The following LINGO2 variants were observed in gnomAD, a reference collection of about 807,000 sequenced individuals.
The protein encoded by LINGO2 is leucine-rich repeat and immunoglobulin-like domain-containing nogo receptor-interacting protein 2.
Under a neutral mutation model 30.6 loss-of-function variants are expected in LINGO2, and 14 were observed. The ratio of observed to expected loss-of-function variants is 0.46; its 90% confidence interval spans 0.30 to 0.72. The LOEUF (loss-of-function observed/expected upper bound fraction) is 0.72, where lower values mean the gene tolerates loss of function less well. Ranked by LOEUF, LINGO2 falls within the 30% of genes least tolerant of loss-of-function variation. The probability of loss-of-function intolerance (pLI) is 0.07; values close to 1 mark genes in which losing one functional copy is unlikely to be tolerated. For missense variants in LINGO2, 729 were observed against 751.7 expected, an observed-to-expected ratio of 0.97 and a Z score of 0.35; for synonymous variants, 317 against 288.5, an observed-to-expected ratio of 1.10 and a Z score of -1.00.
At chr9:28,653,717 G>A (rs1385723712) in intron 1 of LINGO2, among the ~76,000 whole-genome samples, 1 of 152,070 alleles carries the variant, frequency 6.6e-6, no homozygotes, top group East Asian at 1.9e-4. Flanking sequence ...ATGAACATTA[G>A]AGCTGAAATT....
chr9:28,243,640 C>A (rs542642890), intron 4 of LINGO2, among the ~76,000 whole-genome samples: 14 of 150,112 alleles, frequency 9.3e-5, no homozygotes, highest in African/African-American at 2.4e-4. Context: ...AACAAACAAA[C>A]AAAAAAACAA....
At chr9:28,452,827 G>A (rs1824700847) in intron 2 of LINGO2, among the ~76,000 whole-genome samples, 1 of 151,762 alleles carries the variant, frequency 6.6e-6, no homozygotes, top group South Asian at 2.1e-4. Context: ...CCAGAGGTGT[G>A]GAAAAAGTGA....
At chr9:28,877,214 T>C in the LINGO2 span, among the ~76,000 whole-genome samples, 10 of 151,690 alleles carry the variant, frequency 6.6e-5, no homozygotes, top group African/African-American at 2.2e-4. Context: ...CTGTTCACTC[T>C]GATGGTAGTT....
the LINGO2 span, among the ~76,000 whole-genome samples, chr9:28,689,312 A>G: frequency 1.3e-5 from 2 of 152,168 alleles, no homozygotes; most frequent in Non-Finnish European, 1.5e-5. Flanking sequence ...GAATCTGACA[A>G]ATAGCCGACT....
chr9:28,187,479 G>A (rs1163216463), intron 4 of LINGO2, among the ~76,000 whole-genome samples: 7 of 128,386 alleles, frequency 5.5e-5, no homozygotes, highest in African/African-American at 1.8e-4. Context: ...GACAGAGCGA[G>A]ACTCTGTCTC....
chr9:28,349,803 G>A (rs555056653), intron 3 of LINGO2, among the ~76,000 whole-genome samples: 11 of 151,926 alleles, frequency 7.2e-5, no homozygotes, highest in Non-Finnish European at 8.8e-5. Context: ...CGGATCTCTC[G>A]GCAGAAACCC....
At chr9:28,311,979 G>A (rs533991273) in intron 3 of LINGO2, among the ~76,000 whole-genome samples, 1 of 152,190 alleles carries the variant, frequency 6.6e-6, no homozygotes, top group African/African-American at 2.4e-5. Context: ...ACTAATAAAT[G>A]TCCATGAAAT....
the LINGO2 span, among the ~76,000 whole-genome samples, chr9:29,043,632 A>G: frequency 6.6e-6 from 1 of 151,996 alleles, no homozygotes; most frequent in East Asian, 1.9e-4. Context: ...CACTTATGAA[A>G]TCTGATGCTT....
At chr9:28,240,639 A>G (rs1587302384) in intron 4 of LINGO2, among the ~76,000 whole-genome samples, 1 of 152,178 alleles carries the variant, frequency 6.6e-6, no homozygotes, top group African/African-American at 2.4e-5. Flanking sequence ...TGCAAAAATC[A>G]AAACAAAATA....
chr9:27,999,839 A>G (rs1440500445), intron 5 of LINGO2, among the ~76,000 whole-genome samples: 1 of 151,498 alleles, frequency 6.6e-6, no homozygotes, highest in Non-Finnish European at 1.5e-5. Flanking sequence ...ACATGTATTA[A>G]TGGCACATGT....
the LINGO2 span, among the ~76,000 whole-genome samples, chr9:28,992,670 G>T: frequency 1.3e-4 from 20 of 152,064 alleles, no homozygotes; most frequent in Non-Finnish European, 2.8e-4. Flanking sequence ...CTTTCTCTCA[G>T]ACCACAGTGC....
the LINGO2 span, among the ~76,000 whole-genome samples, chr9:28,964,337 T>C: frequency 4.6e-5 from 7 of 151,906 alleles, 1 homozygote; most frequent in South Asian, 1.0e-3. Flanking sequence ...AAAAGCTTCC[T>C]ATAGGGATGT....
intron 3 of LINGO2, among the ~76,000 whole-genome samples, chr9:28,331,163 G>A (rs1825405015): frequency 6.6e-6 from 1 of 151,896 alleles, no homozygotes. Context: ...TTGGTGAGGG[G>A]TAAAGAAAAC....
At chr9:29,033,378 CTA>C in the LINGO2 span, among the ~76,000 whole-genome samples, 138 of 140,660 alleles carry the variant, frequency 9.8e-4, no homozygotes, top group East Asian at 4.0e-3. Flanking sequence ...AACTGCTTTA[CTA>C]TATATATATA....
the LINGO2 span, among the ~76,000 whole-genome samples, chr9:28,952,037 C>A: frequency 6.6e-6 from 1 of 151,994 alleles, no homozygotes; most frequent in Non-Finnish European, 1.5e-5. Flanking sequence ...TAAAAAGGGT[C>A]TCTGACATTA....
At chr9:28,448,802 A>G (rs1367491685) in intron 2 of LINGO2, among the ~76,000 whole-genome samples, 1 of 152,044 alleles carries the variant, frequency 6.6e-6, no homozygotes, top group Admixed American at 6.6e-5. Flanking sequence ...CAGCAAATAG[A>G]GGAAAGAGTG....
At chr9:29,147,549 C>T in the LINGO2 span, among the ~76,000 whole-genome samples, 4 of 152,148 alleles carry the variant, frequency 2.6e-5, no homozygotes, top group Non-Finnish European at 5.9e-5. Flanking sequence ...CTCACATGCT[C>T]CAGAAACAAT....
At chr9:28,200,979 T>C (rs889252250) in intron 4 of LINGO2, among the ~76,000 whole-genome samples, 1 of 151,064 alleles carries the variant, frequency 6.6e-6, no homozygotes, top group Non-Finnish European at 1.5e-5. Flanking sequence ...CTTTAATTAC[T>C]GGGCTGACAG....
the LINGO2 span, among the ~76,000 whole-genome samples, chr9:28,769,676 A>G: frequency 0.049 from 7,116 of 146,134 alleles, 297 homozygotes; most frequent in Admixed American, 0.12. Flanking sequence ...GTTTTTTTTC[A>G]GGAACTTTTT....
Sources: allele counts gnomAD v4.1 joint callset (sites outside exome capture counted in the v4.1 genomes callset), GRCh38; gene constraint gnomAD v4.1.1; transcripts MANE v1.5; gene names NCBI Gene and HGNC (gene_info 2026-07-23, HGNC 2026-07-21).